The following RTEL1 variants were observed in gnomAD, a reference collection of about 807,000 sequenced individuals.
RTEL1 encodes the protein regulator of telomere length.
Under a neutral mutation model 162.2 loss-of-function variants are expected in RTEL1, and 86 were observed. That is an observed-to-expected ratio of 0.53 (90% CI 0.45 to 0.63). RTEL1 has a LOEUF of 0.63. Among genes scored for constraint, RTEL1 ranks in the 30% least tolerant of loss-of-function variants. The probability of loss-of-function intolerance (pLI) is 0.00; values close to 1 mark genes in which losing one functional copy is unlikely to be tolerated. For synonymous variants in RTEL1, 958 were observed against 717.9 expected (o/e 1.33, Z -5.35); for missense variants, 1,941 against 1,750.2 (o/e 1.11, Z -1.95).
chr20:63,659,854 C>T (rs1230979721), intron 2 of RTEL1, among the ~76,000 whole-genome samples: 2 of 152,192 alleles, frequency 1.3e-5, no homozygotes, highest in Non-Finnish European at 2.9e-5. Flanking sequence ...CTCTGAGTTT[C>T]CTCAGTATTC....
At chr20:63,676,523 T>C (rs1396015079) in intron 10 of RTEL1, among the ~76,000 whole-genome samples, 1 of 152,218 alleles carries the variant, frequency 6.6e-6, no homozygotes, top group Non-Finnish European at 1.5e-5. Context: ...CACTGGGGGC[T>C]TGCAAGATGG....
chr20:63,689,627 C>G lies in RTEL1; in HGVS notation c.2004C>G (p.Gly668=). The change falls in exon 23 of 35, where the codon GGC becomes GGG. Residue 668 remains glycine (G), a synonymous_variant. Transcript: ENST00000360203. Reference sequence around the variant, plus strand: ...TGCAGTTCCTGGATGAGATGAAGGGCCAGGGTGGGGCTGGGGGCCAGGTGA... The same window carrying G: ...TGCAGTTCCTGGATGAGATGAAGGGGCAGGGTGGGGCTGGGGGCCAGGTGA... ...LKMQFLDEMK[G]QGGAGGQFLS... The G allele has an allele frequency of 6.2e-7, 1 of 1,611,732 alleles. No individual in the cohort carries two copies. Among genetic ancestry groups the G allele is most frequent in the South Asian group, 1.1e-5 (1 of 91,020 alleles).
At chr20:63,678,039 T>G (rs114703330) in intron 10 of RTEL1, 106 bp from the exon 11 acceptor site, 1 of 1,302,984 alleles carries the variant, frequency 7.7e-7, no homozygotes, top group African/African-American at 1.5e-5. Context: ...CCTCTTCCTT[T>G]CCATGTTGGT....
chr20:63,672,503 C>G, intron 8 of RTEL1, 53 bp from the exon 9 acceptor site: 1 of 1,438,150 alleles, frequency 7.0e-7, no homozygotes, highest in Non-Finnish European at 9.6e-7. Context: ...TGGCTTCCCT[C>G]TTTCCCGGCC....
At chr20:63,687,477 G>A in intron 16 of RTEL1, 161 bp from the exon 17 acceptor site, 4 of 820,406 alleles carry the variant, frequency 4.9e-6, no homozygotes, top group Middle Eastern at 3.7e-4. Flanking sequence ...ACTCAGGGCA[G>A]CCTCCTTTGT....
At chr20:63,677,484 G>A (rs1273664977) in intron 10 of RTEL1, among the ~76,000 whole-genome samples, 4 of 152,260 alleles carry the variant, frequency 2.6e-5, no homozygotes, top group Admixed American at 6.5e-5. Context: ...GCATGGTGGC[G>A]CACACCTATA....
chr20:63,659,489 G>A lies in RTEL1; in HGVS notation c.87G>A (p.Leu29=). The part of the protein sequence containing the change: ...KCQQEYMTKV[L]ECLQQKVNGI... Reference sequence around the variant, plus strand: ...AACAGGAGTACATGACCAAGGTCCTGGAATGTCTGCAGCAGGTAGAGCACA... The same window carrying A: ...AACAGGAGTACATGACCAAGGTCCTAGAATGTCTGCAGCAGGTAGAGCACA... The change falls in exon 2 of 35, where the codon CTG becomes CTA. Residue 29 remains leucine, a synonymous_variant. Transcript: ENST00000360203. 6 of 1,613,778 alleles carry A rather than the reference G, an allele frequency of 3.7e-6. No homozygotes were observed. Among genetic ancestry groups the A allele is most frequent in the Non-Finnish European group, 5.1e-6 (6 of 1,179,660 alleles).
At chr20:63,689,675 G>GGCCAGGTGAGT (rs766930259) in intron 23 of RTEL1, 27 bp downstream of exon 23, 12 of 1,607,376 alleles carry the variant, frequency 7.5e-6, no homozygotes, top group Non-Finnish European at 1.0e-5. Flanking sequence ...TGGGGCTGGG[G>GGCCAGGTGAGT]TAAGGCGGTC....
chr20:63,686,009 TC>T, intron 16 of RTEL1, 137 bp downstream of exon 16: 1 of 736,900 alleles, frequency 1.4e-6, no homozygotes, highest in Non-Finnish European at 2.3e-6. Flanking sequence ...TCCAGGCCAA[TC>T]CAGAGCATTC....
At position 63,694,542 on chromosome 20, in the gene RTEL1, C is replaced by T. The variant is rs975180519; in HGVS notation, c.3109+54C>T. The T allele has an allele frequency of 5.0e-6, 7 of 1,411,402 alleles. No homozygotes were observed. The African/African-American group carries it at 8.5e-5, about 17-fold the overall frequency. 87.4% of individuals were successfully genotyped at this position (1,411,402 alleles called of 1,614,324 possible). On this transcript the variant is annotated intron_variant, in intron 31 of 34. Transcript: ENST00000360203. ...TACGACTTGGTGGGTCCCTCAGTGG[C>T]TTCACGAGGCTAACTCTTGAGTGTG...
intron 10 of RTEL1, among the ~76,000 whole-genome samples, chr20:63,677,332 C>A (rs1201561693): frequency 6.6e-6 from 1 of 152,162 alleles, no homozygotes; most frequent in Non-Finnish European, 1.5e-5. Context: ...AGGTCAAACA[C>A]CCGGCCAGGC....
chr20:63,693,032 C>T (rs535408177), intron 29 of RTEL1, 29 bp downstream of exon 29: 5 of 1,611,408 alleles, frequency 3.1e-6, no homozygotes, highest in East Asian at 2.2e-5. Context: ...GCCACCCACC[C>T]TGAGGGCAGT....
At chr20:63,660,518 C>T (rs2089998022) in intron 2 of RTEL1, among the ~76,000 whole-genome samples, 1 of 152,188 alleles carries the variant, frequency 6.6e-6, no homozygotes, top group Non-Finnish European at 1.5e-5. Context: ...TGATTCCATA[C>T]AACACATGTT....
rs2090170696 is a variant in RTEL1, at chr20:63,668,002, C to G, written c.699+449C>G. On this transcript the variant is annotated intron_variant, in intron 8 of 34. Coordinates refer to ENST00000360203, the MANE Select transcript of RTEL1 (RefSeq NM_001283009.2). The surrounding 1 kb of genome is among the most constrained non-coding windows in gnomAD (Gnocchi z 4.3). Reference sequence around the variant, plus strand: ...CCCCTCTTCCCAGTGCATGCCCGGCCCCACACTCACTCCCCCCACAGCATG... The same window carrying G: ...CCCCTCTTCCCAGTGCATGCCCGGCGCCACACTCACTCCCCCCACAGCATG... Among the ~76,000 whole-genome samples the G allele has an allele frequency of 1.3e-5, 2 of 150,994 alleles. No homozygotes were observed. Among genetic ancestry groups the G allele is most frequent in the Admixed American group, 1.3e-4 (2 of 15,178 alleles).
chr20:63,663,309 C>T (rs1358599451), intron 6 of RTEL1, among the ~76,000 whole-genome samples: 1 of 152,198 alleles, frequency 6.6e-6, no homozygotes, highest in Non-Finnish European at 1.5e-5. Flanking sequence ...TCCTGGAAGC[C>T]GTGTCTGGCC....
chr20:63,692,014 C>T, intron 28 of RTEL1, 177 bp downstream of exon 28: 2 of 569,456 alleles, frequency 3.5e-6, no homozygotes, highest in Non-Finnish European at 6.3e-6. Flanking sequence ...GTTTCTTCTG[C>T]AGGGGGCTCA....
At chr20:63,683,210 C>T (rs1233856028) in intron 14 of RTEL1, among the ~76,000 whole-genome samples, 2 of 152,224 alleles carry the variant, frequency 1.3e-5, no homozygotes, top group Non-Finnish European at 2.9e-5. Context: ...AGGCAGTCTG[C>T]CCGCCTTGGC....
intron 6 of RTEL1, among the ~76,000 whole-genome samples, chr20:63,663,519 C>T (rs931463812): frequency 1.1e-4 from 16 of 152,314 alleles, no homozygotes; most frequent in African/African-American, 3.8e-4. Flanking sequence ...CCTGTGAGGG[C>T]CGGGGGTGCT....
In RTEL1 at chr20:63,689,070, T is replaced by C. The variant is rs1363729241; in HGVS notation, c.1816T>C (p.Tyr606His). The C allele has an allele frequency of 6.2e-7, 1 of 1,610,990 alleles. No homozygotes were observed. Among genetic ancestry groups the C allele is most frequent in the Non-Finnish European group, 8.5e-7 (1 of 1,179,818 alleles). The change falls in exon 22 of 35, where the codon TAT (tyrosine) becomes CAT (histidine). Residue 606 changes from tyrosine to histidine, a missense_variant. Tyr to His is a moderately conservative substitution (Grantham distance 83). Coordinates refer to ENST00000360203, the MANE Select transcript of RTEL1 (RefSeq NM_001283009.2). ...GSFSETISAY[Y>H]ARVAAPGSTG... ...TTCCTTCCAGACCATCAGTGCTTACTATGCAAGGGTTGCCGCCCCTGGGTC... is the reference window on the plus strand; with the variant it reads ...TTCCTTCCAGACCATCAGTGCTTACCATGCAAGGGTTGCCGCCCCTGGGTC...
Sources: allele counts gnomAD v4.1 joint callset (sites outside exome capture counted in the v4.1 genomes callset), GRCh38; gene constraint gnomAD v4.1.1; non-coding constraint Gnocchi (gnomAD v3.1); transcripts MANE v1.5; gene names NCBI Gene and HGNC (gene_info 2026-07-23, HGNC 2026-07-21).